Variants in B3GALT1 observed in about 807,000 individuals in gnomAD.
The protein encoded by B3GALT1 is beta-1,3-galactosyltransferase 1.
In B3GALT1, 10 loss-of-function variants were observed where a neutral mutation model predicts 23.2. The observed-to-expected ratio is 0.43, with a 90% CI of 0.27 to 0.73. The LOEUF is 0.73. Ranked by LOEUF, B3GALT1 falls within the 30% of genes least tolerant of loss-of-function variation. The pLI is 0.21. For missense variants in B3GALT1, 299 were observed against 405.4 expected (o/e 0.74, Z 2.25); for synonymous variants, 156 against 141.5 (o/e 1.10, Z -0.73).
At chr2:167,657,036 A>C (rs945605878) in intron 3 of B3GALT1, among the ~76,000 whole-genome samples, 3 of 152,102 alleles carry the variant, frequency 2.0e-5, no homozygotes, top group Non-Finnish European at 2.9e-5. Flanking sequence ...GGGCAATGAT[A>C]GGGGAAAAAA....
intron 1 of B3GALT1, among the ~76,000 whole-genome samples, chr2:167,434,454 C>T (rs1242096623): frequency 6.8e-6 from 1 of 146,938 alleles, no homozygotes; most frequent in African/African-American, 2.5e-5. Flanking sequence ...ATCTTGTAAG[C>T]AATTCTAAAC....
At chr2:167,851,382 T>A (rs946904469) in intron 4 of B3GALT1, among the ~76,000 whole-genome samples, 15 of 152,158 alleles carry the variant, frequency 9.9e-5, no homozygotes, top group African/African-American at 3.6e-4. Flanking sequence ...CATTTACAAT[T>A]CCAAAAGGGA....
chr2:167,758,664 AT>A (rs1054716781), intron 3 of B3GALT1, among the ~76,000 whole-genome samples: 9 of 150,218 alleles, frequency 6.0e-5, no homozygotes, highest in South Asian at 2.1e-4. Context: ...TGTTTCGTGC[AT>A]TTTTTTTTCC....
intron 3 of B3GALT1, among the ~76,000 whole-genome samples, chr2:167,688,498 A>G (rs1440561034): frequency 6.6e-6 from 1 of 152,144 alleles, no homozygotes; most frequent in Non-Finnish European, 1.5e-5. Context: ...TAGAACTGAA[A>G]AATACAATAA....
chr2:167,442,225 C>T lies in B3GALT1; in HGVS notation c.-510-47952C>T, dbSNP rs182890594. Reference sequence around the variant, plus strand: ...GACATGAACTCATCATTTTTTATGGCGCATAGTATTCCATGGTGTATATGT... The same window carrying T: ...GACATGAACTCATCATTTTTTATGGTGCATAGTATTCCATGGTGTATATGT... On this transcript the variant is annotated intron_variant, in intron 1 of 4. Coordinates refer to ENST00000392690, the MANE Select transcript of B3GALT1 (RefSeq NM_020981.4). Among the ~76,000 whole-genome samples the T allele has an allele frequency of 5.5e-4, 83 of 152,032 alleles. No homozygotes were observed. In the South Asian group the frequency reaches 6.4e-3, roughly 12 times the overall value.
chr2:167,556,860 C>T (rs549292826), intron 2 of B3GALT1, among the ~76,000 whole-genome samples: 1 of 152,162 alleles, frequency 6.6e-6, no homozygotes. Flanking sequence ...CATCTTCCTG[C>T]AATGGAATAT....
At chr2:167,560,936 C>G (rs1250636472) in intron 2 of B3GALT1, among the ~76,000 whole-genome samples, 3 of 151,812 alleles carry the variant, frequency 2.0e-5, no homozygotes, top group South Asian at 4.2e-4. Context: ...GAATTGAACT[C>G]AGCTCTGCAC....
At chr2:167,452,448 T>G (rs1049943237) in intron 1 of B3GALT1, among the ~76,000 whole-genome samples, 1 of 152,162 alleles carries the variant, frequency 6.6e-6, no homozygotes, top group Non-Finnish European at 1.5e-5. Context: ...CAAATCCTTC[T>G]CCTGTGATCT....
chr2:167,625,879 A>G (rs1426267181), intron 2 of B3GALT1, among the ~76,000 whole-genome samples: 1 of 148,534 alleles, frequency 6.7e-6, no homozygotes, highest in Non-Finnish European at 1.5e-5. Flanking sequence ...TCTGCTTTCT[A>G]CTTGAAGCTA....
chr2:167,707,967 G>GT (rs1383132226), intron 3 of B3GALT1, among the ~76,000 whole-genome samples: 1 of 152,202 alleles, frequency 6.6e-6, no homozygotes, highest in Non-Finnish European at 1.5e-5. Flanking sequence ...CATAGTGTGG[G>GT]TTTCAATGTT....
intron 1 of B3GALT1, among the ~76,000 whole-genome samples, chr2:167,418,918 C>T (rs1272038352): frequency 6.6e-6 from 1 of 152,132 alleles, no homozygotes; most frequent in Admixed American, 6.5e-5. Flanking sequence ...ACTTCATTGG[C>T]GAGTACTGTT....
At chr2:167,857,623 T>C (rs982504708) in intron 4 of B3GALT1, among the ~76,000 whole-genome samples, 8 of 152,016 alleles carry the variant, frequency 5.3e-5, no homozygotes, top group Admixed American at 4.6e-4. Flanking sequence ...GGGAGGACTG[T>C]GGAGAGCCAG....
At chr2:167,725,396 G>A (rs1687296522) in intron 3 of B3GALT1, among the ~76,000 whole-genome samples, 1 of 152,030 alleles carries the variant, frequency 6.6e-6, no homozygotes. Context: ...ATGATTATTT[G>A]GACTTTGGCA....
intron 3 of B3GALT1, among the ~76,000 whole-genome samples, chr2:167,658,762 G>A (rs186934433): frequency 2.0e-5 from 3 of 152,128 alleles, no homozygotes; most frequent in East Asian, 3.9e-4. Flanking sequence ...AAGGTAATTA[G>A]CAAAAGGAGA....
chr2:167,754,165 T>C (rs754232225), intron 3 of B3GALT1, among the ~76,000 whole-genome samples: 4 of 152,232 alleles, frequency 2.6e-5, no homozygotes, highest in Non-Finnish European at 4.4e-5. Context: ...GATGAATTGT[T>C]ATCAAGTTCT....
At chr2:167,719,155 C>G (rs531631599) in intron 3 of B3GALT1, among the ~76,000 whole-genome samples, 1 of 152,176 alleles carries the variant, frequency 6.6e-6, no homozygotes, top group African/African-American at 2.4e-5. Context: ...CCAAAGCACA[C>G]TAGCATTTCT....
At chr2:167,380,167 C>T (rs549844173) in intron 1 of B3GALT1, among the ~76,000 whole-genome samples, 1 of 152,162 alleles carries the variant, frequency 6.6e-6, no homozygotes, top group South Asian at 2.1e-4. Flanking sequence ...TAGAGGGTGT[C>T]CCCCTGCATG....
intron 3 of B3GALT1, among the ~76,000 whole-genome samples, chr2:167,735,451 G>A (rs1431329520): frequency 6.6e-6 from 1 of 152,228 alleles, no homozygotes; most frequent in Non-Finnish European, 1.5e-5. Context: ...CAATAAGTGT[G>A]AGAATTCCAA....
chr2:167,413,460 G>A (rs1698422033), intron 1 of B3GALT1, among the ~76,000 whole-genome samples: 1 of 151,946 alleles, frequency 6.6e-6, no homozygotes, highest in South Asian at 2.1e-4. Context: ...AAGAGGGTAT[G>A]ATAAAATCCT....
Sources: gnomAD v4.1 joint callset for allele counts (sites outside exome capture counted in the v4.1 genomes callset) on GRCh38, gnomAD v4.1.1 for gene constraint, MANE v1.5 for transcripts, NCBI Gene and HGNC (gene_info 2026-07-23, HGNC 2026-07-21) for gene names.